SPIRE1: variants seen among roughly 807,000 people sequenced by gnomAD.
The protein encoded by SPIRE1 is protein spire homolog 1.
A neutral mutation model predicts 94.1 loss-of-function variants in SPIRE1; 40 were observed. That is an observed-to-expected ratio of 0.43 (90% CI 0.33 to 0.55). The LOEUF (loss-of-function observed/expected upper bound fraction) is 0.55, where lower values mean the gene tolerates loss of function less well. Among genes scored for constraint, SPIRE1 ranks in the 20% least tolerant of loss-of-function variants. The pLI is 0.06. For synonymous variants in SPIRE1, 376 were observed against 371.7 expected (o/e 1.01, Z -0.13); for missense variants, 838 against 975.2 (o/e 0.86, Z 1.87).
At chr18:12,488,823 T>C (rs2033130790) in intron 8 of SPIRE1, among the ~76,000 whole-genome samples, 1 of 152,238 alleles carries the variant, frequency 6.6e-6, no homozygotes, top group African/African-American at 2.4e-5. Context: ...TAGTATGTTT[T>C]AAACAGGCAT....
chr18:12,548,313 AAGTC>A (rs750155302), intron 2 of SPIRE1, among the ~76,000 whole-genome samples: 12 of 152,366 alleles, frequency 7.9e-5, no homozygotes, highest in Admixed American at 2.6e-4. Flanking sequence ...ATAAAAAAGA[AAGTC>A]AGAAGTTTCT....
At chr18:12,623,049 G>A (rs920694839) in intron 2 of SPIRE1, among the ~76,000 whole-genome samples, 2 of 152,224 alleles carry the variant, frequency 1.3e-5, no homozygotes, top group African/African-American at 4.8e-5. Flanking sequence ...TAAGGGAAGA[G>A]ATGCCGAGAA....
intron 12 of SPIRE1, among the ~76,000 whole-genome samples, chr18:12,457,529 G>A (rs1258422917): frequency 2.0e-5 from 3 of 152,146 alleles, no homozygotes; most frequent in Non-Finnish European, 1.5e-5. Flanking sequence ...GGCCAGATGT[G>A]GCCGGGTAAA....
chr18:12,535,628 G>A (rs1174112523), intron 3 of SPIRE1, 27 bp from the exon 4 acceptor site: 2 of 1,596,110 alleles, frequency 1.3e-6, no homozygotes, highest in Admixed American at 3.4e-5. Flanking sequence ...TAAAATAATG[G>A]TGCTTGGTTA....
At chr18:12,489,183 G>A (rs572182959) in intron 8 of SPIRE1, among the ~76,000 whole-genome samples, 5 of 151,968 alleles carry the variant, frequency 3.3e-5, no homozygotes, top group Non-Finnish European at 5.9e-5. Flanking sequence ...GCGAGACTCC[G>A]TCTCAAAAAA....
chr18:12,620,914 T>A (rs1280356998), intron 2 of SPIRE1, among the ~76,000 whole-genome samples: 1 of 151,722 alleles, frequency 6.6e-6, no homozygotes, highest in Non-Finnish European at 1.5e-5. Context: ...ATAAGAAATT[T>A]TATCTACACT....
Position 12,535,485 on chromosome 18 carries a change from A to G in SPIRE1, c.720T>C (p.Ser240=). 1.2e-6 allele frequency: 2 copies of G among 1,612,546 alleles called. No homozygotes were observed. Among genetic ancestry groups the G allele is most frequent in the Non-Finnish European group, 8.5e-7 (1 of 1,178,928 alleles). Residue 240 remains serine, a synonymous_variant, in exon 4 of 17, where the codon AGT becomes AGC. Coordinates refer to ENST00000409402, the MANE Select transcript of SPIRE1 (RefSeq NM_001128626.2). ...ELHTFLTKIK[S]AKENLKKIQE... ...AAGCAGTAGTACTCACCTCTTTCGC[A>G]CTCTTAATTTTGGTCAGAAATGTAT... is the stretch of plus-strand genomic sequence containing the variant.
intron 2 of SPIRE1, among the ~76,000 whole-genome samples, chr18:12,633,552 G>A (rs1362043330): frequency 6.6e-6 from 1 of 151,054 alleles, no homozygotes; most frequent in Admixed American, 6.6e-5. Context: ...CTCCAGCCTG[G>A]GAGACACAGC....
intron 2 of SPIRE1, among the ~76,000 whole-genome samples, chr18:12,627,081 T>G (rs1488110875): frequency 6.6e-6 from 1 of 152,008 alleles, no homozygotes; most frequent in African/African-American, 2.4e-5. Context: ...GTAAAATTTT[T>G]TTGTTATTAT....
At chr18:12,486,340 T>C (rs1273833139) in intron 8 of SPIRE1, among the ~76,000 whole-genome samples, 1 of 152,218 alleles carries the variant, frequency 6.6e-6, no homozygotes, top group Non-Finnish European at 1.5e-5. Context: ...AAAAGCCATG[T>C]TTTAAAACAT....
rs186202790 is a variant in SPIRE1 at position 12,605,895 on chromosome 18, C to G, written c.372+29167G>C. Among the ~76,000 whole-genome samples, 376 of 152,228 alleles carry G rather than the reference C, an allele frequency of 2.5e-3. 3 individuals are homozygous for G. The highest frequency in any genetic ancestry group is 8.7e-3 in the African/African-American group (363 of 41,548). ...ACCTAGCTCCCTGCTGCTTGGCCTCCCTCGTTCACCGCCACCTCCCCTAGC... is the reference window on the plus strand; with the variant it reads ...ACCTAGCTCCCTGCTGCTTGGCCTCGCTCGTTCACCGCCACCTCCCCTAGC... On this transcript the variant is annotated intron_variant, in intron 2 of 16. Transcript: ENST00000409402.
In SPIRE1 at chr18:12,447,742, T is replaced by C. The variant is rs1293976793; in HGVS notation, c.*1896A>G. ...TGTGAATGTGAATGAAAGTCTTATT[T>C]TGGGGGTGTAGTTTCTTATGTTTTA... On this transcript the variant is annotated 3_prime_UTR_variant, in exon 17 of 17. Coordinates refer to ENST00000409402, the MANE Select transcript of SPIRE1 (RefSeq NM_001128626.2). 6.6e-6 allele frequency: 1 copy of C among 152,196 alleles called. No individual in the cohort carries two copies. The highest frequency in any genetic ancestry group is 1.5e-5 in the Non-Finnish European group (1 of 68,036). The allele number at this position is 152,196 out of a possible 1,614,324, so 9.4% of individuals were successfully genotyped here. A position where few individuals can be genotyped will look rare whatever the true frequency, so the allele number is the denominator to read the frequency against.
intron 1 of SPIRE1, among the ~76,000 whole-genome samples, chr18:12,654,715 T>C (rs914897576): frequency 4.6e-5 from 7 of 151,044 alleles, no homozygotes; most frequent in Admixed American, 3.3e-4. Flanking sequence ...GGAAGTCTCA[T>C]GAATACAAAC....
At chr18:12,638,831 C>T (rs2038006697) in intron 1 of SPIRE1, among the ~76,000 whole-genome samples, 1 of 152,144 alleles carries the variant, frequency 6.6e-6, no homozygotes, top group East Asian at 1.9e-4. Flanking sequence ...TCCTCCTGCT[C>T]CAGCCATCCA....
intron 12 of SPIRE1, among the ~76,000 whole-genome samples, chr18:12,460,571 G>T (rs1454994323): frequency 6.6e-6 from 1 of 152,124 alleles, no homozygotes. Context: ...AATTAGCCGG[G>T]TGTGGTGGCA....
chr18:12,512,381 T>C, intron 5 of SPIRE1, 73 bp downstream of exon 5: 4 of 1,029,222 alleles, frequency 3.9e-6, no homozygotes, highest in Non-Finnish European at 5.7e-6. Context: ...AATGAGACTC[T>C]GTCTCAAAAA....
intron 2 of SPIRE1, among the ~76,000 whole-genome samples, chr18:12,603,562 C>A (rs2036894214): frequency 6.9e-6 from 1 of 145,330 alleles, no homozygotes; most frequent in Non-Finnish European, 1.5e-5. Context: ...CTGAGCTGAT[C>A]ACCAGTAGCC....
intron 6 of SPIRE1, among the ~76,000 whole-genome samples, chr18:12,501,594 G>C (rs2033668425): frequency 6.6e-6 from 1 of 152,196 alleles, no homozygotes; most frequent in Non-Finnish European, 1.5e-5. Context: ...ATGGTGGCCA[G>C]GATGGTCTCA....
At chr18:12,628,510 T>G (rs1391206668) in intron 2 of SPIRE1, among the ~76,000 whole-genome samples, 1 of 152,184 alleles carries the variant, frequency 6.6e-6, no homozygotes, top group Admixed American at 6.5e-5. Flanking sequence ...TCTTTTTGCT[T>G]AGGATTGTCT....
Sources: gnomAD v4.1 joint callset for allele counts (sites outside exome capture counted in the v4.1 genomes callset) on GRCh38, gnomAD v4.1.1 for gene constraint, MANE v1.5 for transcripts, NCBI Gene and HGNC (gene_info 2026-07-23, HGNC 2026-07-21) for gene names.